The following MLLT1 variants were observed in gnomAD, a reference collection of about 807,000 sequenced individuals.
The protein encoded by MLLT1 is protein ENL.
In MLLT1, 11 loss-of-function variants were observed where a neutral mutation model predicts 55.1. That is an observed-to-expected ratio of 0.20 (90% CI 0.13 to 0.33). The LOEUF is 0.33. Among genes scored for constraint, MLLT1 ranks in the 10% least tolerant of loss-of-function variants. The probability of loss-of-function intolerance (pLI) is 1.00; values close to 1 mark genes in which losing one functional copy is unlikely to be tolerated. For synonymous variants in MLLT1, 323 were observed against 320.1 expected (o/e 1.01, Z -0.10); for missense variants, 536 against 760.6 (o/e 0.70, Z 3.47).
At chr19:6,215,231 C>T (rs1333946315) in intron 8 of MLLT1, among the ~76,000 whole-genome samples, 1 of 152,250 alleles carries the variant, frequency 6.6e-6, no homozygotes, top group East Asian at 1.9e-4. Flanking sequence ...CGGGAGGAAT[C>T]AAAAGGCGCT....
At chr19:6,221,541 G>A (rs754092723) in intron 6 of MLLT1, among the ~76,000 whole-genome samples, 4 of 152,076 alleles carry the variant, frequency 2.6e-5, no homozygotes, top group Non-Finnish European at 5.9e-5. Context: ...CCAGATGTGA[G>A]TATCCCCAAG....
At position 6,266,434 on chromosome 19, in the gene MLLT1, T is replaced by A. The variant is rs544536605; in HGVS notation, c.194-4124A>T. Among the ~76,000 whole-genome samples, 37 of 152,282 alleles carry A rather than the reference T, an allele frequency of 2.4e-4. No homozygotes were observed. In the South Asian group the frequency reaches 7.5e-3, roughly 31 times the overall value. ...ACATGCTAGGACTCAAAGGGTTTAC[T>A]GCCCACGTCTTATAAATTTTTTTTG... On this transcript the variant is annotated intron_variant, in intron 2 of 11. Coordinates refer to ENST00000252674, the MANE Select transcript of MLLT1 (RefSeq NM_005934.4).
At chr19:6,228,466 C>T (rs868121898) in intron 4 of MLLT1, among the ~76,000 whole-genome samples, 2 of 152,112 alleles carry the variant, frequency 1.3e-5, no homozygotes, top group South Asian at 4.1e-4. Flanking sequence ...GACCAGGCTC[C>T]CCGGCGGAAA....
Position 6,213,413 on chromosome 19 carries a change from G to C in MLLT1, c.1480-5C>G. ...CACCAGCTCATCCGTGTAGGCCTGG[G>C]GAGGGGGGGCAGGTCTCAGCAGCGT... On this transcript the variant is annotated splice_polypyrimidine_tract_variant and splice_region_variant and intron_variant, in intron 10 of 11. Transcript: ENST00000252674. 6.2e-7 allele frequency: 1 copy of C among 1,610,410 alleles called. No homozygotes were observed.
rs772925135 is a variant in MLLT1, at chr19:6,231,201, G to C, written c.277-488C>G. Among the ~76,000 whole-genome samples, 4 of 152,212 alleles carry C rather than the reference G, an allele frequency of 2.6e-5. No individual in the cohort carries two copies. The highest frequency in any genetic ancestry group is 4.4e-5 in the Non-Finnish European group (3 of 68,028). ...AGCACAGCACCCAGAGGGGGCAAAA[G>C]TACAAGGTCACGACCCAGTTTCCAG... On this transcript the variant is annotated intron_variant, in intron 3 of 11. Coordinates refer to ENST00000252674, the MANE Select transcript of MLLT1 (RefSeq NM_005934.4). The surrounding 1 kb of genome is among the most constrained non-coding windows in gnomAD (Gnocchi z 5.1).
rs1470824661 is a variant in MLLT1, at chr19:6,227,206, G to T, written c.421-104C>A. On this transcript the variant is annotated intron_variant, in intron 4 of 11. Coordinates refer to ENST00000252674, the MANE Select transcript of MLLT1 (RefSeq NM_005934.4). This position sits in a 1 kb window ranked among gnomAD's most constrained non-coding sequence, Gnocchi z 5.1. ...GCTTCCCTCTGCAGGAGGGGAGAAG[G>T]GAGAGCCTGAGCGCTTTCCCGAAAG... The T allele has an allele frequency of 7.9e-7, 1 of 1,260,846 alleles. No homozygotes were observed. Among genetic ancestry groups the T allele is most frequent in the African/African-American group, 1.6e-5 (1 of 63,688 alleles). The allele number at this position is 1,260,846 out of a possible 1,614,324, so 78.1% of individuals were successfully genotyped here.
intron 3 of MLLT1, among the ~76,000 whole-genome samples, chr19:6,254,144 A>T (rs1310895271): frequency 6.6e-6 from 1 of 152,098 alleles, no homozygotes; most frequent in Non-Finnish European, 1.5e-5. Flanking sequence ...CCTCTTAGGG[A>T]GGGCAAAGGG....
chr19:6,249,848 C>T (rs780117117), intron 3 of MLLT1, among the ~76,000 whole-genome samples: 4 of 152,180 alleles, frequency 2.6e-5, no homozygotes, highest in Admixed American at 1.3e-4. Context: ...CATGGCAAGA[C>T]CTCATCTCTA....
Position 6,214,059 on chromosome 19 carries a change from G to A in MLLT1, c.1308-21C>T, listed in dbSNP as rs780672106. ...TCAACCTGAACCGACACACGGGGGC[G>A]CATCAGGCCCCTGCCGCCACCACGG... On this transcript the variant is annotated intron_variant, in intron 8 of 11. Coordinates refer to ENST00000252674, the MANE Select transcript of MLLT1 (RefSeq NM_005934.4). 2.2e-5 allele frequency: 31 copies of A among 1,378,718 alleles called. No individual in the cohort carries two copies. The Admixed American group carries it at 2.9e-4, about 13-fold the overall frequency. The allele number at this position is 1,378,718 out of a possible 1,614,324, so 85.4% of individuals were successfully genotyped here. A position where few individuals can be genotyped will look rare whatever the true frequency, so the allele number is the denominator to read the frequency against.
intron 3 of MLLT1, among the ~76,000 whole-genome samples, chr19:6,254,566 T>C (rs914268419): frequency 3.3e-5 from 5 of 152,130 alleles, no homozygotes; most frequent in African/African-American, 1.2e-4. Context: ...GTGGATGACA[T>C]CACTGAATTC....
chr19:6,249,984 G>C (rs1473985380), intron 3 of MLLT1, among the ~76,000 whole-genome samples: 1 of 151,826 alleles, frequency 6.6e-6, no homozygotes, highest in Non-Finnish European at 1.5e-5. Context: ...TTACACCACT[G>C]TTCTCCAGCC....
At position 6,235,613 on chromosome 19, in the gene MLLT1, C is replaced by G. The variant is rs1229433547; in HGVS notation, c.277-4900G>C. Among the ~76,000 whole-genome samples the G allele has an allele frequency of 6.6e-6, 1 of 152,182 alleles. No homozygotes were observed. The highest frequency in any genetic ancestry group is 2.4e-5 in the African/African-American group (1 of 41,448). On this transcript the variant is annotated intron_variant, in intron 3 of 11. Coordinates refer to ENST00000252674, the MANE Select transcript of MLLT1 (RefSeq NM_005934.4). This position sits in a 1 kb window ranked among gnomAD's most constrained non-coding sequence, Gnocchi z 5.5. ...CTCCTCTCCACACTCCTGGCCACAG[C>G]TGTGCACCCTGGCTGCACAGCGAGT...
At chr19:6,264,892 TAAAAAAAA>T (rs34494210) in intron 2 of MLLT1, among the ~76,000 whole-genome samples, 1 of 73,646 alleles carries the variant, frequency 1.4e-5, no homozygotes, top group African/African-American at 5.5e-5. Context: ...GAAACTCTGT[TAAAAAAAA>T]AAAAAAAAAA....
chr19:6,254,552 G>A (rs1315240918), intron 3 of MLLT1, among the ~76,000 whole-genome samples: 2 of 152,196 alleles, frequency 1.3e-5, no homozygotes, highest in African/African-American at 4.8e-5. Flanking sequence ...GCTAACTCCA[G>A]GTCGTGGATG....
rs769557844 is a variant in MLLT1 at position 6,231,196 on chromosome 19, C to A, written c.277-483G>T. On this transcript the variant is annotated intron_variant, in intron 3 of 11. Coordinates refer to ENST00000252674, the MANE Select transcript of MLLT1 (RefSeq NM_005934.4). This position sits in a 1 kb window ranked among gnomAD's most constrained non-coding sequence, Gnocchi z 5.1. ...ACGACAGCACAGCACCCAGAGGGGGCAAAAGTACAAGGTCACGACCCAGTT... is the reference window on the plus strand; with the variant it reads ...ACGACAGCACAGCACCCAGAGGGGGAAAAAGTACAAGGTCACGACCCAGTT... Among the ~76,000 whole-genome samples, 2 of 152,202 alleles carry A rather than the reference C, an allele frequency of 1.3e-5. No homozygotes were observed. The highest frequency in any genetic ancestry group is 2.4e-5 in the African/African-American group (1 of 41,446).
At chr19:6,278,809 T>C (rs1016415824) in intron 1 of MLLT1, among the ~76,000 whole-genome samples, 1 of 151,968 alleles carries the variant, frequency 6.6e-6, no homozygotes, top group Non-Finnish European at 1.5e-5. Flanking sequence ...GCAGAGGGTC[T>C]GAAGGTGAAA....
chr19:6,265,932 A>G (rs1427311008), intron 2 of MLLT1, among the ~76,000 whole-genome samples: 3 of 148,136 alleles, frequency 2.0e-5, no homozygotes, highest in Non-Finnish European at 4.5e-5. Context: ...TGAGCCGAGA[A>G]CGCGCCACTG....
intron 5 of MLLT1, among the ~76,000 whole-genome samples, chr19:6,225,824 G>A (rs1416817586): frequency 6.6e-6 from 1 of 152,220 alleles, no homozygotes. Flanking sequence ...CAGGGTTTTA[G>A]GTGGCTTGAA....
At chr19:6,278,685 C>T (rs970907951) in intron 1 of MLLT1, among the ~76,000 whole-genome samples, 1 of 152,022 alleles carries the variant, frequency 6.6e-6, no homozygotes, top group African/African-American at 2.4e-5. Flanking sequence ...AAGCCTAAAT[C>T]AGGATCCCAG....
Sources: gnomAD v4.1 joint callset for allele counts (sites outside exome capture counted in the v4.1 genomes callset) on GRCh38, gnomAD v4.1.1 for gene constraint, Gnocchi (gnomAD v3.1) non-coding constraint, MANE v1.5 for transcripts, NCBI Gene and HGNC (gene_info 2026-07-23, HGNC 2026-07-21) for gene names.